The following SPNS2 variants were observed in gnomAD, a reference collection of about 807,000 sequenced individuals.
SPNS2 encodes SPNS lysolipid transporter 2, sphingosine-1-phosphate, also known as sphingosine-1-phosphate transporter SPNS2.
Under a neutral mutation model 57.6 loss-of-function variants are expected in SPNS2, and 37 were observed. The observed-to-expected ratio is 0.64, with a 90% CI of 0.49 to 0.85. The LOEUF is 0.85. Among genes scored for constraint, SPNS2 ranks in the 40% least tolerant of loss-of-function variants. The probability of loss-of-function intolerance (pLI) is 0.00; values close to 1 mark genes in which losing one functional copy is unlikely to be tolerated. For synonymous variants in SPNS2, 440 were observed against 346.9 expected (o/e 1.27, Z -2.98); for missense variants, 831 against 779.1 (o/e 1.07, Z -0.79).
chr17:4,536,481 T>G, intron 11 of SPNS2, 55 bp downstream of exon 11: 4 of 1,556,150 alleles, frequency 2.6e-6, no homozygotes, highest in Non-Finnish European at 3.5e-6. Flanking sequence ...GGGACCGTGA[T>G]AGCCACCGTG....
rs1904408114 is a variant in SPNS2 at position 4,499,710 on chromosome 17, C to T, written c.370+293C>T. 1 of 290,386 alleles carries T rather than the reference C, an allele frequency of 3.4e-6. No individual in the cohort carries two copies. Among genetic ancestry groups the T allele is most frequent in the Admixed American group, 5.2e-5 (1 of 19,108 alleles). The allele number at this position is 290,386 out of a possible 1,614,324, so 18.0% of individuals were successfully genotyped here. A position where few individuals can be genotyped will look rare whatever the true frequency, so the allele number is the denominator to read the frequency against. ...CCCTTGACGGCCCATCCGTTGTCCTCCTCTCCAAGAGTCTCCTCTGCGTCT... is the reference window on the plus strand; with the variant it reads ...CCCTTGACGGCCCATCCGTTGTCCTTCTCTCCAAGAGTCTCCTCTGCGTCT... On this transcript the variant is annotated intron_variant, in intron 1 of 12. Transcript: ENST00000329078. The surrounding 1 kb of genome is among the most constrained non-coding windows in gnomAD (Gnocchi z 5.2).
At chr17:4,517,479 T>C (rs1428888372) in intron 2 of SPNS2, among the ~76,000 whole-genome samples, 2 of 152,144 alleles carry the variant, frequency 1.3e-5, no homozygotes, top group Non-Finnish European at 2.9e-5. Context: ...ACCAACATGG[T>C]GAACCCCATC....
Position 4,532,653 on chromosome 17 carries a change from T to G in SPNS2, c.904T>G (p.Trp302Gly). 1 of 1,613,944 alleles carries G rather than the reference T, an allele frequency of 6.2e-7. No homozygotes were observed. The highest frequency in any genetic ancestry group is 1.1e-5 in the South Asian group (1 of 91,064). The change falls in exon 6 of 13, where the codon TGG becomes GGG. Residue 302 changes from tryptophan (W) to glycine (G), a missense_variant. By Grantham distance (184) the Trp-to-Gly change is radical. Coordinates refer to ENST00000329078, the MANE Select transcript of SPNS2 (RefSeq NM_001124758.3). ...LGDQLKARTS[W>G]LRDMKALIRN... ...GGACCAGCTCAAGGCCCGGACCTCATGGCTCCGAGATATGAAGGCCCTGAT... is the reference window on the plus strand; with the variant it reads ...GGACCAGCTCAAGGCCCGGACCTCAGGGCTCCGAGATATGAAGGCCCTGAT...
At chr17:4,533,532 C>A (rs1049456095) in intron 8 of SPNS2, 100 bp downstream of exon 8, 139 of 1,309,382 alleles carry the variant, frequency 1.1e-4, no homozygotes, top group Admixed American at 2.2e-4. Context: ...TGTTCCCTTC[C>A]CTCGGGGAGG....
At chr17:4,533,556 G>A in intron 8 of SPNS2, 124 bp downstream of exon 8, 2 of 1,151,992 alleles carry the variant, frequency 1.7e-6, no homozygotes, top group Non-Finnish European at 2.4e-6. Context: ...CTATTCTCTG[G>A]CTGCCCCTGC....
intron 2 of SPNS2, among the ~76,000 whole-genome samples, chr17:4,522,715 T>C (rs1225625925): frequency 6.6e-6 from 1 of 152,196 alleles, no homozygotes; most frequent in African/African-American, 2.4e-5. Context: ...AGCCTTTGTC[T>C]GGCCATCTGC....
At chr17:4,521,985 G>A (rs751522386) in intron 2 of SPNS2, among the ~76,000 whole-genome samples, 3 of 152,134 alleles carry the variant, frequency 2.0e-5, no homozygotes, top group Non-Finnish European at 4.4e-5. Flanking sequence ...GATCACCTGA[G>A]ATCAGGTGTT....
intron 11 of SPNS2, 23 bp from the exon 12 acceptor site, chr17:4,536,854 GCCCCCGCTGATGCACCACCCTGA>G: frequency 1.3e-6 from 2 of 1,543,778 alleles, no homozygotes; most frequent in Non-Finnish European, 1.8e-6. Flanking sequence ...CCCGGGCCCG[GCCCCCGCTGATGCACCACCCTGA>G]CCCCCGCCCG....
chr17:4,536,524 A>C, intron 11 of SPNS2, 98 bp downstream of exon 11: 1 of 1,390,366 alleles, frequency 7.2e-7, no homozygotes. Context: ...GGGAGGGTAC[A>C]GACCTCCCAT....
At chr17:4,532,929 G>T in intron 6 of SPNS2, 48 bp from the exon 7 acceptor site, 1 of 1,581,134 alleles carries the variant, frequency 6.3e-7, no homozygotes, top group Non-Finnish European at 8.6e-7. Context: ...TGCCTAGGGG[G>T]GTGAAGGAGG....
At position 4,498,944 on chromosome 17, in the gene SPNS2, A is replaced by T. The variant is rs892189855; in HGVS notation, c.-104A>T. 17 of 693,300 alleles carry T rather than the reference A, an allele frequency of 2.5e-5. No individual in the cohort carries two copies. The highest frequency in any genetic ancestry group is 3.0e-5 in the Non-Finnish European group (17 of 564,140). 42.9% of individuals were successfully genotyped at this position (693,300 alleles called of 1,614,324 possible). A position where few individuals can be genotyped will look rare whatever the true frequency, so the allele number is the denominator to read the frequency against. On this transcript the variant is annotated 5_prime_UTR_variant, in exon 1 of 13. Coordinates refer to ENST00000329078, the MANE Select transcript of SPNS2 (RefSeq NM_001124758.3). ...GGAGCGCAGGAGCCGACGGGGCCCG[A>T]CCAGGATGGTGCAGTGGCGGCTCCG...
chr17:4,536,471 G>C, intron 11 of SPNS2, 45 bp downstream of exon 11: 2 of 1,571,188 alleles, frequency 1.3e-6, no homozygotes, highest in Non-Finnish European at 1.7e-6. Flanking sequence ...CCGGGAAGCA[G>C]GGACCGTGAT....
chr17:4,536,371 T>C lies in SPNS2; in HGVS notation c.1552T>C (p.Phe518Leu), dbSNP rs1344397845. 1.2e-6 allele frequency: 2 copies of C among 1,609,334 alleles called. No homozygotes were observed. Among genetic ancestry groups the C allele is most frequent in the South Asian group, 2.2e-5 (2 of 91,092 alleles). Residue 518 changes from phenylalanine (F) to leucine (L), a missense_variant, in exon 11 of 13, where the codon TTC (phenylalanine) becomes CTC (leucine). This residue lies in a region of SPNS2 where 526 missense variants were observed against 400.9 expected (regional missense o/e 1.31). Transcript: ENST00000329078. ...CPFVVVLGGM[F>L]FLATALFFVS... ...TTTCGTCGTGGTCCTGGGCGGCATG[T>C]TCTTCCTCGCCACTGCGCTCTTCTT...
At chr17:4,505,919 C>T (rs1237849885) in intron 1 of SPNS2, among the ~76,000 whole-genome samples, 1 of 152,202 alleles carries the variant, frequency 6.6e-6, no homozygotes, top group African/African-American at 2.4e-5. Context: ...CCCTGTCAGG[C>T]ATGGGGTTCC....
chr17:4,517,588 G>A (rs1232656114), intron 2 of SPNS2, among the ~76,000 whole-genome samples: 1 of 152,082 alleles, frequency 6.6e-6, no homozygotes, highest in Non-Finnish European at 1.5e-5. Context: ...CCCAAGAGGT[G>A]GAGGTTGCAG....
intron 3 of SPNS2, among the ~76,000 whole-genome samples, chr17:4,525,757 C>T (rs1905249220): frequency 6.6e-6 from 1 of 152,232 alleles, no homozygotes; most frequent in South Asian, 2.1e-4. Flanking sequence ...CTCTGAGCCT[C>T]AGTTTCCTCA....
chr17:4,525,639 A>G (rs962062683), intron 3 of SPNS2, among the ~76,000 whole-genome samples: 1 of 152,154 alleles, frequency 6.6e-6, no homozygotes, highest in African/African-American at 2.4e-5. Flanking sequence ...AGAAGCAAAT[A>G]TCAATTCAAC....
chr17:4,524,935 C>G (rs1221253387), intron 2 of SPNS2, 122 bp from the exon 3 acceptor site: 1 of 1,434,874 alleles, frequency 7.0e-7, no homozygotes, highest in Admixed American at 2.2e-5. Flanking sequence ...GAGGTTTCCT[C>G]TCTGGGCTGC....
chr17:4,533,059 C>T lies in SPNS2; in HGVS notation c.1018C>T (p.Leu340=), dbSNP rs61746307. The T allele has an allele frequency of 2.8e-3, 4,503 of 1,613,382 alleles. 86 individuals are homozygous for T. The African/African-American group carries it at 0.047, about 17-fold the overall frequency. The stretch of plus-strand genomic sequence containing the variant: ...CCTGGGCATGTGGATCCCGCTCTAC[C>T]TGCACCGCGCCCAAGTTGTGCAGAA... ...GALGMWIPLY[L]HRAQVVQKTA... Residue 340 remains leucine (L), a synonymous_variant, in exon 7 of 13, where the codon CTG becomes TTG. Coordinates refer to ENST00000329078, the MANE Select transcript of SPNS2 (RefSeq NM_001124758.3).
Sources: allele counts gnomAD v4.1 joint callset (sites outside exome capture counted in the v4.1 genomes callset), GRCh38; gene constraint gnomAD v4.1.1; regional missense constraint gnomAD v4.1.1; non-coding constraint Gnocchi (gnomAD v3.1); transcripts MANE v1.5; gene names NCBI Gene and HGNC (gene_info 2026-07-23, HGNC 2026-07-21).